Variants in ADAMTSL1 observed in about 807,000 individuals in gnomAD.
ADAMTSL1 encodes ADAMTS like 1.
ADAMTSL1 carries 126 observed loss-of-function variants against 201.8 expected under a neutral mutation model. That is an observed-to-expected ratio of 0.62 (90% CI 0.54 to 0.72). The LOEUF is 0.72. Among genes scored for constraint, ADAMTSL1 ranks in the 30% least tolerant of loss-of-function variants. The probability of loss-of-function intolerance (pLI) is 0.00; values close to 1 mark genes in which losing one functional copy is unlikely to be tolerated. For missense variants in ADAMTSL1, 2,679 were observed against 2,277.8 expected (o/e 1.18, Z -3.59); for synonymous variants, 1,121 against 903.4 (o/e 1.24, Z -4.32).
At chr9:17,969,738 T>C (rs1387493109) in intron 1 of ADAMTSL1, among the ~76,000 whole-genome samples, 1 of 152,066 alleles carries the variant, frequency 6.6e-6, no homozygotes, top group Non-Finnish European at 1.5e-5. Context: ...GAGAGGATCT[T>C]AAATAAGTTG....
intron 2 of ADAMTSL1, among the ~76,000 whole-genome samples, chr9:18,187,233 A>G (rs1226446420): frequency 1.3e-5 from 2 of 151,752 alleles, no homozygotes; most frequent in Admixed American, 6.6e-5. Flanking sequence ...TCTAGTAACT[A>G]CTCTCCATGG....
chr9:18,876,940 C>A (rs1320297855), intron 23 of ADAMTSL1, among the ~76,000 whole-genome samples: 1 of 152,130 alleles, frequency 6.6e-6, no homozygotes, highest in East Asian at 1.9e-4. Flanking sequence ...AGGCTTTGTT[C>A]ATTTGTTTTA....
chr9:18,423,455 T>C (rs1819054306), intron 2 of ADAMTSL1, among the ~76,000 whole-genome samples: 1 of 152,236 alleles, frequency 6.6e-6, no homozygotes, highest in African/African-American at 2.4e-5. Flanking sequence ...GGTAAACATA[T>C]GTACTCAGTC....
chr9:18,347,904 G>A (rs1385328956), intron 2 of ADAMTSL1, among the ~76,000 whole-genome samples: 1 of 152,132 alleles, frequency 6.6e-6, no homozygotes, highest in East Asian at 1.9e-4. Context: ...AGTGCCAAGG[G>A]CCTTGTGTTT....
rs181000371 is a variant in ADAMTSL1, at chr9:18,043,235, A to T, written c.88-120627A>T. On this transcript the variant is annotated intron_variant, in intron 1 of 29. Coordinates refer to the ADAMTSL1 transcript ENST00000680146. ...TGTGTGTGTTTTTTGGAGCTTCCGAAGGTGATTTTTTCATCAGCCAGGATT... is the reference window on the plus strand; with the variant it reads ...TGTGTGTGTTTTTTGGAGCTTCCGATGGTGATTTTTTCATCAGCCAGGATT... 5.9e-5 allele frequency among the ~76,000 whole-genome samples: 9 copies of T among 152,210 alleles called. No individual in the cohort carries two copies. In the East Asian group the frequency reaches 1.7e-3, roughly 29 times the overall value.
Position 18,465,790 on chromosome 9 carries a change from C to T in ADAMTSL1, c.208-39039C>T, listed in dbSNP as rs144440332. ...TTGAGACAGAGTCTTGCCCTGTCGC[C>T]CAGGCTGGGGTGCAGTGGCACGATC... On this transcript the variant is annotated intron_variant, in intron 2 of 29. Coordinates refer to the ADAMTSL1 transcript ENST00000680146. 8.5e-3 allele frequency among the ~76,000 whole-genome samples: 1,301 copies of T among 152,306 alleles called. 23 individuals are homozygous for T. The highest frequency in any genetic ancestry group is 0.029 in the African/African-American group (1,201 of 41,556).
At chr9:18,309,133 A>G (rs780338212) in intron 2 of ADAMTSL1, among the ~76,000 whole-genome samples, 11 of 150,976 alleles carry the variant, frequency 7.3e-5, no homozygotes, top group African/African-American at 2.7e-4. Flanking sequence ...ATAAAATTCA[A>G]CACCTATTCA....
chr9:18,656,414 G>A (rs1355581328), intron 7 of ADAMTSL1, among the ~76,000 whole-genome samples: 2 of 151,946 alleles, frequency 1.3e-5, no homozygotes, highest in African/African-American at 4.8e-5. Flanking sequence ...GGCAGATCAC[G>A]AGGTCAGGAG....
At chr9:18,656,628 C>CAAAAAAAAAAAAAA (rs34965386) in intron 7 of ADAMTSL1, among the ~76,000 whole-genome samples, 87 of 75,052 alleles carry the variant, frequency 1.2e-3, no homozygotes, top group Middle Eastern at 8.5e-3. Context: ...GACTCCATCG[C>CAAAAAAAAAAAAAA]AAAAAAAAAA....
chr9:18,022,316 C>A (rs746647889), intron 1 of ADAMTSL1, among the ~76,000 whole-genome samples: 1 of 152,154 alleles, frequency 6.6e-6, no homozygotes, highest in African/African-American at 2.4e-5. Context: ...AGCACTCTGG[C>A]CCCAGCAGGA....
intron 2 of ADAMTSL1, among the ~76,000 whole-genome samples, chr9:18,508,284 C>A (rs1463404088): frequency 1.3e-5 from 2 of 152,094 alleles, no homozygotes; most frequent in Non-Finnish European, 2.9e-5. Context: ...CTTTCTCTTC[C>A]TGCCATTCTG....
At chr9:18,191,049 A>G (rs1828948369) in intron 2 of ADAMTSL1, among the ~76,000 whole-genome samples, 1 of 152,202 alleles carries the variant, frequency 6.6e-6, no homozygotes, top group Non-Finnish European at 1.5e-5. Context: ...TTACAGTGGT[A>G]AAGGGAACAG....
At position 18,310,399 on chromosome 9, in the gene ADAMTSL1, A is replaced by AAAAAAAAC. The variant is rs1440483712; in HGVS notation, c.207+146418_207+146419insAAAAAAAC. On this transcript the variant is annotated intron_variant, in intron 2 of 29. Transcript: ENST00000680146. ...AAAAAAAAAAAAAAAAAAAAAAAAA[A>AAAAAAAAC]CTATCTTCAGAGTGAACAGGCAACC... is the stretch of plus-strand genomic sequence containing the variant. Among the ~76,000 whole-genome samples the AAAAAAAAC allele has an allele frequency of 5.4e-3, 691 of 127,330 alleles. 45 individuals are homozygous for AAAAAAAAC. Among genetic ancestry groups the AAAAAAAAC allele is most frequent in the Non-Finnish European group, 9.7e-3 (562 of 58,220 alleles). 83.5% of individuals were successfully genotyped at this position (127,330 alleles called of 152,430 possible).
chr9:18,536,919 TA>T (rs1282387780), intron 3 of ADAMTSL1, among the ~76,000 whole-genome samples: 1 of 143,054 alleles, frequency 7.0e-6, no homozygotes, highest in East Asian at 2.0e-4. Flanking sequence ...TTAGAGTACT[TA>T]TAAACTGTTT....
chr9:18,788,560 G>T (rs1388291603), intron 19 of ADAMTSL1, among the ~76,000 whole-genome samples: 1 of 151,948 alleles, frequency 6.6e-6, no homozygotes, highest in Non-Finnish European at 1.5e-5. Context: ...CTCTAAAATG[G>T]GAAAATAACA....
At chr9:18,169,153 G>A (rs908752046) in intron 2 of ADAMTSL1, among the ~76,000 whole-genome samples, 4 of 150,388 alleles carry the variant, frequency 2.7e-5, no homozygotes, top group Middle Eastern at 3.4e-3. Flanking sequence ...GTCAATTTTG[G>A]CTTTTGTTGC....
At chr9:17,928,516 C>T (rs575195878) in intron 1 of ADAMTSL1, among the ~76,000 whole-genome samples, 17 of 152,170 alleles carry the variant, frequency 1.1e-4, no homozygotes, top group Non-Finnish European at 1.9e-4. Flanking sequence ...TGTGTTTAGT[C>T]TTGTATGTAA....
chr9:18,582,834 A>G (rs6475233), intron 4 of ADAMTSL1, among the ~76,000 whole-genome samples: 118,639 of 150,764 alleles, frequency 0.79, 47,563 homozygotes, highest in African/African-American at 0.95. Context: ...GGGCGACACA[A>G]CGAGACTCCA....
intron 2 of ADAMTSL1, among the ~76,000 whole-genome samples, chr9:18,359,661 G>T (rs1836415160): frequency 6.6e-6 from 1 of 152,150 alleles, no homozygotes; most frequent in African/African-American, 2.4e-5. Flanking sequence ...TGTGTTTTCA[G>T]ATCTTTTTCC....
Sources: allele counts gnomAD v4.1 joint callset (sites outside exome capture counted in the v4.1 genomes callset), GRCh38; gene constraint gnomAD v4.1.1; transcripts MANE v1.5; gene names NCBI Gene and HGNC (gene_info 2026-07-23, HGNC 2026-07-21).